Variants in WARS2 observed in about 807,000 individuals in gnomAD.
WARS2 encodes the protein tryptophan--tRNA ligase, mitochondrial.
In WARS2, 28 loss-of-function variants were observed where a neutral mutation model predicts 36.5. The ratio of observed to expected loss-of-function variants is 0.77; its 90% CI spans 0.57 to 1.05. The LOEUF (loss-of-function observed/expected upper bound fraction) is 1.05, where lower values mean the gene tolerates loss of function less well. WARS2 is among the 50% of genes least tolerant of loss of function. WARS2 has a pLI of 0.00. For synonymous variants in WARS2, 174 were observed against 178.4 expected (o/e 0.98, Z 0.20); for missense variants, 435 against 456.8 (o/e 0.95, Z 0.44).
At chr1:119,140,478 AAAT>A in intron 1 of WARS2, 74 bp downstream of exon 1, 1 of 1,365,414 alleles carries the variant, frequency 7.3e-7, no homozygotes, top group Non-Finnish European at 1.0e-6. Context: ...GGGAGGAGAG[AAAT>A]AAATAGAGGG....
At chr1:119,108,662 A>C (rs1654410729) in intron 1 of WARS2, among the ~76,000 whole-genome samples, 1 of 151,828 alleles carries the variant, frequency 6.6e-6, no homozygotes, top group African/African-American at 2.4e-5. Context: ...TCAAAGAACT[A>C]GTTTTTGGTT....
At chr1:119,063,676 G>T (rs543163887) in intron 2 of WARS2, 1 of 152,244 alleles carries the variant, frequency 6.6e-6, no homozygotes, top group African/African-American at 2.4e-5. Flanking sequence ...GACAGAGCTC[G>T]GGCAGTGGCT....
At chr1:119,071,040 A>G (rs1651266399) in intron 2 of WARS2, among the ~76,000 whole-genome samples, 1 of 152,038 alleles carries the variant, frequency 6.6e-6, no homozygotes, top group Admixed American at 6.6e-5. Flanking sequence ...AAAATTGGCC[A>G]AGCTTGGTGG....
At chr1:119,139,689 T>C (rs757399223) in intron 1 of WARS2, 22 of 152,182 alleles carry the variant, frequency 1.4e-4, no homozygotes, top group Non-Finnish European at 2.1e-4. Flanking sequence ...ATGCAAATGA[T>C]GCCGGGAAAT....
Position 119,032,899 on chromosome 1 carries a change from C to T in WARS2, c.*12G>A, listed in dbSNP as rs773372731. On this transcript the variant is annotated 3_prime_UTR_variant, in exon 6 of 6. Transcript: ENST00000235521. ...AAGGCACAAAAGCCTTGCTGTGATT[C>T]GTTGAAACTTCCTATAGAAAACCCA... 8 of 1,601,350 alleles carry T rather than the reference C, an allele frequency of 5.0e-6. No individual in the cohort carries two copies. The East Asian group carries it at 1.6e-4, about 31-fold the overall frequency.
chr1:119,091,238 T>C (rs1486431630), intron 1 of WARS2, among the ~76,000 whole-genome samples: 1 of 152,194 alleles, frequency 6.6e-6, no homozygotes, highest in Non-Finnish European at 1.5e-5. Flanking sequence ...AGGTTAATGG[T>C]AATAATAGCT....
At chr1:119,041,423 G>T (rs1369830226) in intron 4 of WARS2, among the ~76,000 whole-genome samples, 1 of 152,128 alleles carries the variant, frequency 6.6e-6, no homozygotes, top group Non-Finnish European at 1.5e-5. Context: ...AGCATCCTCA[G>T]GTGTATATTT....
Position 119,076,553 on chromosome 1 carries a change from G to A in WARS2, c.145C>T (p.Leu49=). The change falls in exon 2 of 6, where the codon CTG becomes TTG. Residue 49 remains leucine, a synonymous_variant. Coordinates refer to ENST00000235521, the MANE Select transcript of WARS2 (RefSeq NM_015836.4). ...TCAATGGCTCCCAGGTAATTGCCCA[G>A]GTGGAGGATTCCTGTAGGTTGAATG... The part of the protein sequence containing the change: ...SGIQPTGILH[L]GNYLGAIESW... 1.2e-6 allele frequency: 2 copies of A among 1,614,156 alleles called. No individual in the cohort carries two copies. The highest frequency in any genetic ancestry group is 1.7e-5 in the Admixed American group (1 of 60,022).
At chr1:119,109,231 T>C (rs930446789) in intron 1 of WARS2, among the ~76,000 whole-genome samples, 4 of 152,018 alleles carry the variant, frequency 2.6e-5, no homozygotes, top group Admixed American at 1.3e-4. Context: ...TTCTATTCAG[T>C]TGATTTATGG....
chr1:119,119,260 C>A (rs753887599), intron 1 of WARS2, among the ~76,000 whole-genome samples: 6 of 151,932 alleles, frequency 3.9e-5, no homozygotes, highest in Non-Finnish European at 8.8e-5. Flanking sequence ...CAAAAGTGAG[C>A]AGGGGTAGCT....
At chr1:119,051,619 C>T (rs1649361504) in intron 2 of WARS2, among the ~76,000 whole-genome samples, 1 of 152,116 alleles carries the variant, frequency 6.6e-6, no homozygotes, top group Admixed American at 6.6e-5. Flanking sequence ...TGCCACACTA[C>T]TTTCCACAAT....
chr1:119,060,333 T>C (rs893647673), intron 2 of WARS2, among the ~76,000 whole-genome samples: 2 of 152,190 alleles, frequency 1.3e-5, no homozygotes, highest in Non-Finnish European at 2.9e-5. Context: ...CTTCCTGGCT[T>C]ACTGATGGCT....
At chr1:119,077,463 T>C (rs1557964356) in intron 1 of WARS2, among the ~76,000 whole-genome samples, 1 of 152,166 alleles carries the variant, frequency 6.6e-6, no homozygotes, top group Non-Finnish European at 1.5e-5. Flanking sequence ...TACTATTGCC[T>C]TAAGATTTTT....
rs1648421016 is a variant in WARS2 at position 119,042,141 on chromosome 1, G to A, written c.515+123C>T. 12 of 761,314 alleles carry A rather than the reference G, an allele frequency of 1.6e-5. No individual in the cohort carries two copies. The South Asian group carries it at 2.2e-4, about 14-fold the overall frequency. 47.2% of individuals were successfully genotyped at this position (761,314 alleles called of 1,614,324 possible). A position where few individuals can be genotyped will look rare whatever the true frequency, so the allele number is the denominator to read the frequency against. On this transcript the variant is annotated intron_variant, in intron 4 of 5. Coordinates refer to ENST00000235521, the MANE Select transcript of WARS2 (RefSeq NM_015836.4). ...TATTTCTGGGGAATAGATATAAACT[G>A]ATTCAGATGTCTGACGCTTTCTGCA... is the stretch of plus-strand genomic sequence containing the variant.
intron 3 of WARS2, 37 bp from the exon 4 acceptor site, chr1:119,042,386 G>A (rs1368057501): frequency 6.3e-7 from 1 of 1,597,902 alleles, no homozygotes; most frequent in South Asian, 1.1e-5. Flanking sequence ...GAAGAAATCT[G>A]AAATCTGACT....
intron 1 of WARS2, among the ~76,000 whole-genome samples, chr1:119,103,655 G>A (rs1256745592): frequency 6.6e-6 from 1 of 150,516 alleles, no homozygotes; most frequent in African/African-American, 2.5e-5. Flanking sequence ...AAATAATTCT[G>A]GTAACAAGTC....
In WARS2 at chr1:119,042,312, CCCACCGTG is replaced by C; in HGVS notation, c.459_466del (p.Thr154ProfsTer66). On this transcript the variant is annotated frameshift_variant, in exon 4 of 6. Coordinates refer to ENST00000235521, the MANE Select transcript of WARS2 (RefSeq NM_015836.4). LOFTEE classifies it high-confidence loss of function. ...CTGGAGTACTGGGTATGTGAGCAGG[CCCACCGTG>C]CCATCGTGCTTCTGCTTGGTAGTCT... 1 of 1,613,692 alleles carries C rather than the reference CCCACCGTG, an allele frequency of 6.2e-7. No individual in the cohort carries two copies.
At chr1:119,067,276 A>G (rs767812188) in intron 2 of WARS2, among the ~76,000 whole-genome samples, 3 of 152,216 alleles carry the variant, frequency 2.0e-5, no homozygotes, top group Non-Finnish European at 4.4e-5. Context: ...TCAAATCAAT[A>G]TAATAGTGGT....
At chr1:119,074,947 C>T (rs1651611788) in intron 2 of WARS2, among the ~76,000 whole-genome samples, 1 of 151,978 alleles carries the variant, frequency 6.6e-6, no homozygotes, top group Admixed American at 6.6e-5. Context: ...ACAATAGGTA[C>T]ACATGGACAT....
Sources: gnomAD v4.1 joint callset for allele counts (sites outside exome capture counted in the v4.1 genomes callset) on GRCh38, gnomAD v4.1.1 for gene constraint, MANE v1.5 for transcripts, NCBI Gene and HGNC (gene_info 2026-07-23, HGNC 2026-07-21) for gene names.